KRT7: variants seen among roughly 807,000 people sequenced by gnomAD.
The protein encoded by KRT7 is keratin 7, also known as keratin, type II cytoskeletal 7.
In KRT7, 50 loss-of-function variants were observed where a neutral mutation model predicts 42.8. The observed-to-expected ratio is 1.17, with a 90% confidence interval of 0.93 to 1.48. The LOEUF (loss-of-function observed/expected upper bound fraction) is 1.48, where lower values mean the gene tolerates loss of function less well. Among genes scored for constraint, KRT7 ranks in the 40% most tolerant of loss-of-function variants. The pLI is 0.00. For synonymous variants in KRT7, 268 were observed against 266.3 expected, an observed-to-expected ratio of 1.01 and a Z score of -0.06; for missense variants, 588 against 637.6, an observed-to-expected ratio of 0.92 and a Z score of 0.84.
intron 1 of KRT7, 70 bp downstream of exon 1, chr12:52,233,690 T>G: frequency 6.7e-7 from 1 of 1,500,382 alleles, no homozygotes; most frequent in Non-Finnish European, 9.3e-7. Flanking sequence ...TAACTAGCCC[T>G]GCCTGCGCGC....
In KRT7 at chr12:52,248,804, A is replaced by T. The variant is rs1371922024; in HGVS notation, c.*44A>T. The stretch of plus-strand genomic sequence containing the variant: ...ACTCCTCCAGCCACCACCCACAATC[A>T]CAAGAAGATTCCCACCCCTGCCTCC... On this transcript the variant is annotated 3_prime_UTR_variant, in exon 9 of 9. Transcript: ENST00000331817. 3.4e-6 allele frequency: 5 copies of T among 1,479,146 alleles called. No homozygotes were observed. Among genetic ancestry groups the T allele is most frequent in the Non-Finnish European group, 4.5e-6 (5 of 1,116,054 alleles). The allele number at this position is 1,479,146 out of a possible 1,614,324, so 91.6% of individuals were successfully genotyped here.
rs1204851470 is a variant in KRT7, at chr12:52,248,674, A to G, written c.1324A>G (p.Ser442Gly). The G allele has an allele frequency of 6.2e-7, 1 of 1,613,344 alleles. No individual in the cohort carries two copies. The highest frequency in any genetic ancestry group is 1.1e-5 in the South Asian group (1 of 91,030). Reference protein sequence around the residue: ...LGGTMGSNALSFSSSAGPGLL... With the variant: ...LGGTMGSNALGFSSSAGPGLL... ...GGGAACCATGGGCAGCAATGCCCTG[A>G]GCTTCTCCAGCAGTGCGGGTCCTGG... The change falls in exon 9 of 9, where the codon AGC becomes GGC. Residue 442 changes from serine (S) to glycine (G), a missense_variant. Coordinates refer to ENST00000331817, the MANE Select transcript of KRT7 (RefSeq NM_005556.4).
intron 7 of KRT7, chr12:52,247,746 A>T (rs917322756): frequency 5.2e-6 from 1 of 193,458 alleles, no homozygotes; most frequent in Admixed American, 5.3e-5. Flanking sequence ...TACTGGGGAT[A>T]AAAGTATCAA....
downstream of KRT7, chr12:52,250,516 C>A: frequency 2.5e-6 from 2 of 786,018 alleles, no homozygotes; most frequent in Non-Finnish European, 4.2e-6. Context: ...CCGCAGGGCG[C>A]ACACAGGCCG....
chr12:52,235,444 C>T (rs1942000703), intron 2 of KRT7, 78 bp downstream of exon 2: 3 of 1,275,044 alleles, frequency 2.4e-6, no homozygotes, highest in African/African-American at 1.5e-5. Flanking sequence ...TGTGCAAGTC[C>T]CCCTGCTTCA....
At position 52,248,210 on chromosome 12, in the gene KRT7, C is replaced by T. The variant is rs1565723136; in HGVS notation, c.1239C>T (p.Ile413=). 6.2e-7 allele frequency: 1 copy of T among 1,614,048 alleles called. No individual in the cohort carries two copies. Among genetic ancestry groups the T allele is most frequent in the African/African-American group, 1.3e-5 (1 of 75,048 alleles). Residue 413 remains isoleucine (I), a splice_region_variant and synonymous_variant, in exon 8 of 9, where the codon ATC becomes ATT. Coordinates refer to ENST00000331817, the MANE Select transcript of KRT7 (RefSeq NM_005556.4). ...GAGATGGAGTGGGAGCCGTGAATAT[C>T]TGTAAGTCCTTGGCTGCGGCCCATG... ...LAGDGVGAVN[I]SVMNSTGGSS...
downstream of KRT7, among the ~76,000 whole-genome samples, chr12:52,251,262 A>G (rs1300776558): frequency 2.0e-5 from 3 of 152,152 alleles, no homozygotes; most frequent in Admixed American, 1.3e-4. Flanking sequence ...TTACAGGTGT[A>G]AGCCACCACA....
intron 7 of KRT7, chr12:52,247,968 C>CT (rs1942200939): frequency 3.4e-6 from 2 of 593,838 alleles, no homozygotes; most frequent in Admixed American, 5.7e-5. Context: ...TGCCTGGGGT[C>CT]AGGTGGCCAG....
downstream of KRT7, chr12:52,250,666 C>A (rs1343590308): frequency 9.1e-6 from 6 of 659,382 alleles, no homozygotes; most frequent in African/African-American, 1.1e-4. Flanking sequence ...GGACAGGGCC[C>A]AGTCTCCTGG....
downstream of KRT7, chr12:52,252,272 C>G (rs528722524): frequency 6.2e-7 from 1 of 1,613,036 alleles, no homozygotes; most frequent in African/African-American, 1.3e-5. Context: ...CTCTGCTCCT[C>G]GCCCTCCAGC....
Position 52,245,429 on chromosome 12 carries a change from C to T in KRT7, c.1002C>T (p.Ala334=), listed in dbSNP as rs537474264. 1.9e-5 allele frequency: 30 copies of T among 1,613,776 alleles called. No individual in the cohort carries two copies. The highest frequency in any genetic ancestry group is 6.7e-5 in the East Asian group (3 of 44,880). The change falls in exon 7 of 9, where the codon GCC becomes GCT. Residue 334 remains alanine, a synonymous_variant. Transcript: ENST00000331817. Reference sequence around the variant, plus strand: ...GCCCACAGCGTGCCAAGTTGGAGGCCGCCATTGCCGAGGCTGAGGAGCGTG... The same window carrying T: ...GCCCACAGCGTGCCAAGTTGGAGGCTGCCATTGCCGAGGCTGAGGAGCGTG... The part of the protein sequence containing the change: ...NIKNQRAKLE[A]AIAEAEERGE...
rs1565716243 is a variant in KRT7 at position 52,235,155 on chromosome 12, G to A, written c.325G>A (p.Val109Met). 1.9e-6 allele frequency: 3 copies of A among 1,614,026 alleles called. No individual in the cohort carries two copies. The highest frequency in any genetic ancestry group is 2.5e-6 in the Non-Finnish European group (3 of 1,179,946). The stretch of plus-strand genomic sequence containing the variant: ...GTTTCCTCCTTCTCGCCCGTTCTAG[G>A]TGCGGTTTCTGGAGCAGCAGAACAA... Reference protein sequence around the residue: ...NNKFASFIDKVRFLEQQNKLL... With the variant: ...NNKFASFIDKMRFLEQQNKLL... The change falls in exon 2 of 9, where the codon GTG (valine) becomes ATG (methionine). Residue 109 changes from valine (V) to methionine (M), a missense_variant and splice_region_variant. Physicochemically the swap from Val to Met is conservative, Grantham distance 21. Transcript: ENST00000331817.
intron 6 of KRT7, 145 bp downstream of exon 6, chr12:52,243,282 A>G (rs920878907): frequency 3.2e-6 from 3 of 948,192 alleles, no homozygotes; most frequent in Admixed American, 2.9e-5. Flanking sequence ...TGAGATCTCC[A>G]GCACAGAATG....
downstream of KRT7, chr12:52,250,598 G>A (rs966314987): frequency 3.3e-6 from 4 of 1,224,088 alleles, no homozygotes; most frequent in African/African-American, 3.0e-5. Flanking sequence ...AGCCCGACAC[G>A]CACAGGTCCC....
intron 5 of KRT7, 82 bp downstream of exon 5, chr12:52,241,718 T>C (rs879418914): frequency 4.6e-6 from 6 of 1,292,944 alleles, no homozygotes; most frequent in Admixed American, 2.1e-5. Flanking sequence ...GTCTCAAGCC[T>C]TCAGGGCCTG....
downstream of KRT7, chr12:52,250,564 A>G (rs1056330385): frequency 4.8e-6 from 6 of 1,253,580 alleles, no homozygotes; most frequent in East Asian, 1.5e-4. Context: ...GGGGCACTGC[A>G]GACGCTGCCC....
rs10564 is a variant in KRT7 at position 52,243,059 on chromosome 12, G to T, written c.906G>T (p.Arg302=). The change falls in exon 6 of 9, where the codon CGG becomes CGT. Residue 302 remains arginine, a synonymous_variant. Coordinates refer to ENST00000331817, the MANE Select transcript of KRT7 (RefSeq NM_005556.4). ...AQAGKHGDDL[R]NTRNEISEMN... Reference sequence around the variant, plus strand: ...CTGGGAAGCATGGGGACGACCTCCGGAATACCCGGAATGAGATTTCAGAGA... The same window carrying T: ...CTGGGAAGCATGGGGACGACCTCCGTAATACCCGGAATGAGATTTCAGAGA... 1 of 1,613,826 alleles carries T rather than the reference G, an allele frequency of 6.2e-7. No homozygotes were observed. Among genetic ancestry groups the T allele is most frequent in the Non-Finnish European group, 8.5e-7 (1 of 1,179,912 alleles).
downstream of KRT7, chr12:52,254,320 G>A (rs116522120): frequency 2.6e-3 from 2,563 of 977,688 alleles, 42 homozygotes; most frequent in African/African-American, 0.037. Context: ...GGGCCTCCAC[G>A]TTGGCCTCTA....
At position 52,235,348 on chromosome 12, in the gene KRT7, TGGA is replaced by T. The variant is rs754770315; in HGVS notation, c.522_524del (p.Glu174del). The T allele has an allele frequency of 1.9e-6, 3 of 1,611,534 alleles. No homozygotes were observed. Among genetic ancestry groups the T allele is most frequent in the Non-Finnish European group, 2.5e-6 (3 of 1,178,796 alleles). ...GAGCTGCGGAGCATGCAGGATGTGG[TGGA>T]GGACTTCAAGAATAAGTAATGCCCC... On this transcript the variant is annotated inframe_deletion, in exon 2 of 9. Transcript: ENST00000331817.
Sources: allele counts gnomAD v4.1 joint callset (sites outside exome capture counted in the v4.1 genomes callset), GRCh38; gene constraint gnomAD v4.1.1; transcripts MANE v1.5; gene names NCBI Gene and HGNC (gene_info 2026-07-23, HGNC 2026-07-21).